Variants in ST7 observed in about 807,000 individuals in gnomAD.
ST7 encodes suppressor of tumorigenicity 7 protein.
In ST7, 28 loss-of-function variants were observed where a neutral mutation model predicts 78.7. That is an observed-to-expected ratio of 0.36 (90% CI 0.26 to 0.49). The LOEUF (loss-of-function observed/expected upper bound fraction) is 0.49. ST7 is among the 20% of genes least tolerant of loss of function. The pLI is 0.99. For missense variants in ST7, 418 were observed against 696.0 expected (o/e 0.60, Z 4.49); for synonymous variants, 247 against 249.6 (o/e 0.99, Z 0.10).
At chr7:117,180,633 G>A (rs1397505752) in intron 10 of ST7, among the ~76,000 whole-genome samples, 6 of 152,132 alleles carry the variant, frequency 3.9e-5, no homozygotes, top group Admixed American at 6.6e-5. Flanking sequence ...GTAACAAAAA[G>A]TGAAAGCCAT....
At chr7:117,186,792 C>A (rs909368339) in intron 10 of ST7, among the ~76,000 whole-genome samples, 5 of 152,140 alleles carry the variant, frequency 3.3e-5, no homozygotes, top group Non-Finnish European at 5.9e-5. Context: ...TGGAATTGTA[C>A]CCTGTGAATG....
At chr7:117,008,546 G>T (rs1201661533) in intron 1 of ST7, among the ~76,000 whole-genome samples, 1 of 152,136 alleles carries the variant, frequency 6.6e-6, no homozygotes, top group Non-Finnish European at 1.5e-5. Context: ...GAGGTATGTG[G>T]TTTTCCTTAT....
intron 1 of ST7, among the ~76,000 whole-genome samples, chr7:117,080,712 A>G (rs1799707676): frequency 6.6e-6 from 1 of 152,220 alleles, no homozygotes; most frequent in African/African-American, 2.4e-5. Flanking sequence ...CAGCAAGTAA[A>G]TTTGAAGATT....
At chr7:117,214,994 C>A (rs940832140) in intron 13 of ST7, among the ~76,000 whole-genome samples, 7 of 151,286 alleles carry the variant, frequency 4.6e-5, no homozygotes, top group Non-Finnish European at 8.8e-5. Context: ...ACACACACCT[C>A]ACATCAGATA....
intron 2 of ST7, among the ~76,000 whole-genome samples, chr7:117,101,054 C>T (rs1801531835): frequency 6.6e-6 from 1 of 151,850 alleles, no homozygotes. Context: ...TTGTGAGGAG[C>T]CAGAGTAAAA....
intron 9 of ST7, among the ~76,000 whole-genome samples, chr7:117,167,215 TC>T (rs1425123405): frequency 9.9e-6 from 1 of 101,064 alleles, no homozygotes; most frequent in African/African-American, 3.6e-5. Context: ...CTGCTATCCC[TC>T]CCCCCTCCCC....
Position 117,219,038 on chromosome 7 carries a change from T to A in ST7, c.1406-46T>A, listed in dbSNP as rs371276873. The A allele has an allele frequency of 1.3e-6, 2 of 1,520,214 alleles. No homozygotes were observed. The highest frequency in any genetic ancestry group is 1.8e-6 in the Non-Finnish European group (2 of 1,107,746). 94.2% of individuals were successfully genotyped at this position (1,520,214 alleles called of 1,614,324 possible). A position where few individuals can be genotyped will look rare whatever the true frequency, so the allele number is the denominator to read the frequency against. ...GCCCCTTTTTGCAGTTGGGAAGTTATGACACAAACATTGGACATCTCTGAC... is the reference window on the plus strand; with the variant it reads ...GCCCCTTTTTGCAGTTGGGAAGTTAAGACACAAACATTGGACATCTCTGAC... On this transcript the variant is annotated intron_variant, in intron 13 of 15. Coordinates refer to ENST00000323984, the MANE Select transcript of ST7 (RefSeq NM_001369598.1). The surrounding 1 kb of genome is among the most constrained non-coding windows in gnomAD (Gnocchi z 5.1).
chr7:117,189,419 A>G (rs1245724789), intron 11 of ST7, 26 bp downstream of exon 11: 2 of 1,550,680 alleles, frequency 1.3e-6, no homozygotes, highest in African/African-American at 1.4e-5. Context: ...TTTGCGCGGT[A>G]CTAATGCCTG....
intron 2 of ST7, among the ~76,000 whole-genome samples, chr7:117,119,109 G>T (rs1049281952): frequency 6.6e-6 from 1 of 151,862 alleles, no homozygotes; most frequent in Non-Finnish European, 1.5e-5. Flanking sequence ...TTCCTGCCCC[G>T]CCCCTACCCC....
intron 9 of ST7, among the ~76,000 whole-genome samples, chr7:117,161,591 C>CTTTTTTTTTTTT (rs60505994): frequency 1.8e-5 from 2 of 113,592 alleles, no homozygotes; most frequent in African/African-American, 3.3e-5. Flanking sequence ...TTCTTTCTTT[C>CTTTTTTTTTTTT]TTTTTTTTTT....
intron 15 of ST7, among the ~76,000 whole-genome samples, chr7:117,226,846 A>T (rs1251448733): frequency 2.0e-5 from 3 of 152,186 alleles, no homozygotes; most frequent in Non-Finnish European, 4.4e-5. Flanking sequence ...AGGATGGAAC[A>T]TTCTAGATAG....
chr7:117,144,522 A>T (rs1805587027), intron 9 of ST7, among the ~76,000 whole-genome samples: 1 of 151,326 alleles, frequency 6.6e-6, no homozygotes, highest in African/African-American at 2.4e-5. Flanking sequence ...ATCCCCAGCT[A>T]CCCAGGAGGC....
chr7:117,178,517 A>C (rs1412393329), intron 10 of ST7, among the ~76,000 whole-genome samples: 3 of 152,170 alleles, frequency 2.0e-5, no homozygotes, highest in Non-Finnish European at 2.9e-5. Flanking sequence ...GTGAATTGAT[A>C]CATAAGATCC....
chr7:117,020,389 G>C, intron 1 of ST7: 1 of 509,976 alleles, frequency 2.0e-6, no homozygotes, highest in Non-Finnish European at 3.3e-6. Context: ...GTGCTGTTAA[G>C]AGACCTTGCA....
intron 12 of ST7, among the ~76,000 whole-genome samples, chr7:117,203,387 A>C (rs961479891): frequency 2.6e-5 from 4 of 152,200 alleles, no homozygotes; most frequent in African/African-American, 9.6e-5. Flanking sequence ...AATGCTTGGC[A>C]TGTGTGTTAG....
At chr7:117,152,177 CTA>C (rs58892731) in intron 9 of ST7, among the ~76,000 whole-genome samples, 2,935 of 65,446 alleles carry the variant, frequency 0.045, 64 homozygotes, top group Non-Finnish European at 0.062. Context: ...TATATAAAAA[CTA>C]TATATATATA....
chr7:117,125,069 C>G (rs1563101167), intron 3 of ST7, among the ~76,000 whole-genome samples: 1 of 152,120 alleles, frequency 6.6e-6, no homozygotes, highest in Non-Finnish European at 1.5e-5. Context: ...TCACCAAAAT[C>G]TAATGGATGT....
intron 1 of ST7, among the ~76,000 whole-genome samples, chr7:117,043,015 G>A (rs1486250646): frequency 6.6e-6 from 1 of 151,962 alleles, no homozygotes; most frequent in Non-Finnish European, 1.5e-5. Flanking sequence ...TTTAGGAATG[G>A]ATTAAGTAAT....
intron 1 of ST7, among the ~76,000 whole-genome samples, chr7:116,977,185 T>A (rs1360011947): frequency 6.6e-6 from 1 of 152,220 alleles, no homozygotes; most frequent in Non-Finnish European, 1.5e-5. Context: ...ACATTCTGAT[T>A]CTGTGTATAT....
Sources: allele counts gnomAD v4.1 joint callset (sites outside exome capture counted in the v4.1 genomes callset), GRCh38; gene constraint gnomAD v4.1.1; non-coding constraint Gnocchi (gnomAD v3.1); transcripts MANE v1.5; gene names NCBI Gene and HGNC (gene_info 2026-07-23, HGNC 2026-07-21).